The following DYSF variants were observed in gnomAD, a reference collection of about 807,000 sequenced individuals.
DYSF encodes the protein dysferlin, also known as dystrophy-associated fer-1-like 1.
DYSF carries 212 observed loss-of-function variants against 274.9 expected under a neutral mutation model. That is an observed-to-expected ratio of 0.77 (90% CI 0.69 to 0.86). The LOEUF (loss-of-function observed/expected upper bound fraction) is 0.86, where lower values mean the gene tolerates loss of function less well. Ranked by LOEUF, DYSF falls within the 40% of genes least tolerant of loss-of-function variation. The pLI, the probability that DYSF is intolerant of heterozygous loss-of-function variation, is 0.00. For missense variants in DYSF, 2,666 were observed against 2,783.2 expected, an observed-to-expected ratio of 0.96 and a Z score of 0.95; for synonymous variants, 1,091 against 1,078.7, an observed-to-expected ratio of 1.01 and a Z score of -0.22.
At chr2:71,555,358 T>C (rs1242036473) in intron 21 of DYSF, among the ~76,000 whole-genome samples, 3 of 151,776 alleles carry the variant, frequency 2.0e-5, no homozygotes, top group Non-Finnish European at 4.4e-5. Flanking sequence ...GAGGGGTGTG[T>C]CGGGGGCTGA....
chr2:71,466,181 G>C (rs2081517977), upstream of DYSF, among the ~76,000 whole-genome samples: 1 of 152,136 alleles, frequency 6.6e-6, no homozygotes, highest in Non-Finnish European at 1.5e-5. Flanking sequence ...GCAGATCATG[G>C]GGCAGGTGGA....
chr2:71,481,172 C>T (rs1433541216), intron 2 of DYSF, among the ~76,000 whole-genome samples: 1 of 152,178 alleles, frequency 6.6e-6, no homozygotes, highest in Non-Finnish European at 1.5e-5. Flanking sequence ...TTTCTGTTTC[C>T]CCCCAGCTCT....
chr2:71,517,247 T>C (rs2086757285), intron 10 of DYSF, among the ~76,000 whole-genome samples: 1 of 152,184 alleles, frequency 6.6e-6, no homozygotes, highest in Non-Finnish European at 1.5e-5. Flanking sequence ...AGAAAGCACT[T>C]TTTGTCACTG....
At chr2:71,588,700 C>A (rs78724767) in intron 30 of DYSF, 1,634 of 152,728 alleles carry the variant, frequency 0.011, 16 homozygotes, top group Non-Finnish European at 0.018. Context: ...TAACCCCACC[C>A]CTCTGAAATG....
intron 41 of DYSF, among the ~76,000 whole-genome samples, chr2:71,627,439 C>G (rs2094227196): frequency 6.6e-6 from 1 of 151,932 alleles, no homozygotes; most frequent in African/African-American, 2.4e-5. Flanking sequence ...TCTCTATGGT[C>G]CAGAGAGTGT....
At chr2:71,536,413 G>A (rs765963072) in intron 16 of DYSF, among the ~76,000 whole-genome samples, 4 of 152,260 alleles carry the variant, frequency 2.6e-5, no homozygotes, top group South Asian at 2.1e-4. Flanking sequence ...GGGAGAGGCC[G>A]CAAGGGCAGC....
At position 71,516,281 on chromosome 2, in the gene DYSF, T is replaced by C. The variant is rs74384941; in HGVS notation, c.951+39T>C. On this transcript the variant is annotated intron_variant, in intron 9 of 55. Transcript: ENST00000410020. ...GTCAAAGTGTTCTCCGTGGGCTGTA[T>C]GTATGCACATAGGTGTCAGTGCACA... 0.038 allele frequency: 60,346 copies of C among 1,592,796 alleles called. 1,357 individuals are homozygous for C. The highest frequency in any genetic ancestry group is 0.041 in the Non-Finnish European group (48,076 of 1,160,664).
chr2:71,600,666 G>C, intron 33 of DYSF, 36 bp from the exon 34 acceptor site: 1 of 1,613,744 alleles, frequency 6.2e-7, no homozygotes, highest in South Asian at 1.1e-5. Flanking sequence ...CCCTGGGTAA[G>C]GGATGCTGAT....
intron 36 of DYSF, 99 bp downstream of exon 36, chr2:71,602,904 C>T (rs1398052112): frequency 7.0e-7 from 1 of 1,424,570 alleles, no homozygotes; most frequent in Non-Finnish European, 9.7e-7. Context: ...TTCCTGGTGC[C>T]CAGCAGGCAT....
At chr2:71,635,591 T>C (rs144326815) in intron 41 of DYSF, among the ~76,000 whole-genome samples, 3,008 of 151,222 alleles carry the variant, frequency 0.02, 83 homozygotes, top group African/African-American at 0.066. Context: ...CTACTAAAAA[T>C]AACAAAAATT....
rs146407633 is a variant in DYSF at position 71,553,792 on chromosome 2, G to A, written c.1985-15G>A. 1.7e-4 allele frequency: 137 copies of A among 806,712 alleles called. No homozygotes were observed. The highest frequency in any genetic ancestry group is 1.6e-3 in the African/African-American group (76 of 47,684). 50.0% of individuals were successfully genotyped at this position (806,712 alleles called of 1,614,324 possible). A position where few individuals can be genotyped will look rare whatever the true frequency, so the allele number is the denominator to read the frequency against. On this transcript the variant is annotated splice_polypyrimidine_tract_variant and intron_variant, in intron 20 of 55. Transcript: ENST00000410020. ...CACTCCTGGCACAGCGCTCAGGCCC[G>A]TCTCTCCATTCCAGGGTGCCACTAC...
chr2:71,621,904 C>T (rs2152896692), intron 41 of DYSF, among the ~76,000 whole-genome samples: 1 of 152,084 alleles, frequency 6.6e-6, no homozygotes, highest in African/African-American at 2.4e-5. Flanking sequence ...CATGATCTGC[C>T]CGCCTCGGCC....
At position 71,627,582 on chromosome 2, in the gene DYSF, A is replaced by G. The variant is rs539339876; in HGVS notation, c.4527+6973A>G. Among the ~76,000 whole-genome samples the G allele has an allele frequency of 1.8e-4, 27 of 152,200 alleles. 1 individual carries two copies. The East Asian group carries it at 4.8e-3, about 27-fold the overall frequency. On this transcript the variant is annotated intron_variant, in intron 41 of 55. Coordinates refer to ENST00000410020, the MANE Select transcript of DYSF (RefSeq NM_001130987.2). ...CAGATGTCTTAAATATTCAATGTGC[A>G]TTTAGAACAGGCTTGTTAATTGTTA...
chr2:71,599,130 T>C (rs1480245951), intron 33 of DYSF, among the ~76,000 whole-genome samples: 8 of 152,192 alleles, frequency 5.3e-5, no homozygotes, highest in Admixed American at 3.3e-4. Flanking sequence ...TTGGGGTTCC[T>C]TGTTTAGGTG....
intron 42 of DYSF, among the ~76,000 whole-genome samples, chr2:71,644,819 A>G (rs2094543020): frequency 6.6e-6 from 1 of 152,236 alleles, no homozygotes; most frequent in Admixed American, 6.5e-5. Flanking sequence ...GCCCAGTCAC[A>G]TTTGAATTTC....
chr2:71,567,397 A>G (rs1332460252), intron 24 of DYSF, among the ~76,000 whole-genome samples: 2 of 152,212 alleles, frequency 1.3e-5, no homozygotes, highest in African/African-American at 2.4e-5. Context: ...TTTAGAGACA[A>G]GTTTTAGAAC....
At chr2:71,546,096 G>A (rs1482079611) in intron 17 of DYSF, among the ~76,000 whole-genome samples, 3 of 152,250 alleles carry the variant, frequency 2.0e-5, no homozygotes, top group Non-Finnish European at 2.9e-5. Flanking sequence ...CTGCCGACCC[G>A]TTCCTGCAGA....
intron 41 of DYSF, among the ~76,000 whole-genome samples, chr2:71,627,449 T>TATAC (rs2094227741): frequency 2.0e-5 from 3 of 152,226 alleles, no homozygotes; most frequent in African/African-American, 7.2e-5. Context: ...CCAGAGAGTG[T>TATAC]AGTCTGTGTG....
rs1360107183 is a variant in DYSF at position 71,602,606 on chromosome 2, A to G, written c.3928-170A>G. On this transcript the variant is annotated intron_variant, in intron 35 of 55. Coordinates refer to ENST00000410020, the MANE Select transcript of DYSF (RefSeq NM_001130987.2). ...TAGGGGCGTGGCTGGGAAGTGCATC[A>G]TTCTTACCCTTGGTGGGAGGTGGTT... 4.6e-6 allele frequency: 3 copies of G among 655,844 alleles called. No individual in the cohort carries two copies. The Admixed American group carries it at 6.6e-5, about 14-fold the overall frequency. 40.6% of individuals were successfully genotyped at this position (655,844 alleles called of 1,614,324 possible). A position where few individuals can be genotyped will look rare whatever the true frequency, so the allele number is the denominator to read the frequency against.
Sources: gnomAD v4.1 joint callset for allele counts (sites outside exome capture counted in the v4.1 genomes callset) on GRCh38, gnomAD v4.1.1 for gene constraint, MANE v1.5 for transcripts, NCBI Gene and HGNC (gene_info 2026-07-23, HGNC 2026-07-21) for gene names.